AGL: variants seen among roughly 807,000 people sequenced by gnomAD.
AGL encodes the protein amylo-alpha-1,6-glucosidase and 4-alpha-glucanotransferase.
Under a neutral mutation model 199.3 loss-of-function variants are expected in AGL, and 128 were observed. The observed-to-expected ratio is 0.64, with a 90% confidence interval of 0.56 to 0.74. The LOEUF (loss-of-function observed/expected upper bound fraction) is 0.74. Ranked by LOEUF, AGL falls within the 30% of genes least tolerant of loss-of-function variation. AGL has a pLI of 0.00. For synonymous variants in AGL, 584 were observed against 594.7 expected (o/e 0.98, Z 0.26); for missense variants, 1,809 against 1,820.8 (o/e 0.99, Z 0.12).
intron 12 of AGL, among the ~76,000 whole-genome samples, chr1:99,879,087 C>T (rs598488): frequency 6.6e-6 from 1 of 151,962 alleles, no homozygotes; most frequent in Non-Finnish European, 1.5e-5. Flanking sequence ...ATAGATAGCA[C>T]CAGTGTTAAA....
rs1650116520 is a variant in AGL at position 99,862,335 on chromosome 1, G to A, written c.372G>A (p.Leu124=). 1 of 1,613,896 alleles carries A rather than the reference G, an allele frequency of 6.2e-7. No homozygotes were observed. The change falls in exon 4 of 34, where the codon TTG becomes TTA. Residue 124 remains leucine (L), a synonymous_variant. Coordinates refer to ENST00000361915, the MANE Select transcript of AGL (RefSeq NM_000642.3). The stretch of plus-strand genomic sequence containing the variant: ...GTGCTGATAATCATGTGCTACCCTT[G>A]GACTGTGTTACTCTTCAGACATTTT... ...RVGADNHVLP[L]DCVTLQTFLA... is the part of the protein sequence containing the mutation.
intron 27 of AGL, among the ~76,000 whole-genome samples, chr1:99,905,588 T>C (rs1257844498): frequency 6.6e-6 from 1 of 152,150 alleles, no homozygotes; most frequent in African/African-American, 2.4e-5. Context: ...TCTTTATTAT[T>C]TTTTAGAGAC....
rs1184815690 is a variant in AGL at position 99,876,546 on chromosome 1, C to A, written c.1372C>A (p.His458Asn). The A allele has an allele frequency of 1.6e-5, 26 of 1,613,822 alleles. No individual in the cohort carries two copies. Among genetic ancestry groups the A allele is most frequent in the Non-Finnish European group, 2.1e-5 (25 of 1,179,928 alleles). Residue 458 changes from histidine to asparagine, a missense_variant, in exon 11 of 34, where the codon CAC (histidine) becomes AAC (asparagine). His to Asn is a moderately conservative substitution (Grantham distance 68). Coordinates refer to ENST00000361915, the MANE Select transcript of AGL (RefSeq NM_000642.3). ...AAATAAAGCTTGTTTTCTGATGGCA[C>A]ACAATGGATGGGTAATGGGAGATGA... The part of the protein sequence containing the change: ...LPNKACFLMA[H>N]NGWVMGDDPL...
chr1:99,915,568 C>G, intron 31 of AGL, 82 bp downstream of exon 31: 2 of 863,474 alleles, frequency 2.3e-6, no homozygotes, highest in Non-Finnish European at 3.7e-6. Context: ...TTTTTTTTTG[C>G]CAGGGCAACA....
intron 7 of AGL, among the ~76,000 whole-genome samples, chr1:99,871,579 G>T (rs535007019): frequency 2.6e-5 from 4 of 152,244 alleles, no homozygotes; most frequent in Non-Finnish European, 5.9e-5. Context: ...TTCTCTTGCA[G>T]AAAACAGAAC....
chr1:99,888,009 AATCAG>A lies in AGL; in HGVS notation c.2717_2721del (p.Gln906ProfsTer5), dbSNP rs1553187957. 6.2e-7 allele frequency: 1 copy of A among 1,613,552 alleles called. No homozygotes were observed. The highest frequency in any genetic ancestry group is 2.2e-5 in the East Asian group (1 of 44,830). On this transcript the variant is annotated frameshift_variant, in exon 21 of 34. Transcript: ENST00000361915. LOFTEE classifies it high-confidence loss of function. ...CTCCAGATTAACTTTGGCTGAGCTA[AATCAG>A]ATCCTTTACCGATGTGAATCAGAAG...
chr1:99,849,481 G>A (rs1648738571), upstream of AGL, among the ~76,000 whole-genome samples: 1 of 152,074 alleles, frequency 6.6e-6, no homozygotes, highest in Non-Finnish European at 1.5e-5. Context: ...TAACATAAGT[G>A]CAGCTTAATC....
intron 25 of AGL, among the ~76,000 whole-genome samples, chr1:99,897,221 A>C (rs1031363550): frequency 1.3e-5 from 2 of 152,214 alleles, no homozygotes; most frequent in Non-Finnish European, 2.9e-5. Flanking sequence ...ACACATCAGT[A>C]GTGTCACCCT....
rs772111178 is a variant in AGL, at chr1:99,862,292, A to G, written c.329A>G (p.Asp110Gly). 2 of 1,613,890 alleles carry G rather than the reference A, an allele frequency of 1.2e-6. No individual in the cohort carries two copies. The highest frequency in any genetic ancestry group is 2.2e-5 in the South Asian group (2 of 91,056). The change falls in exon 4 of 34, where the codon GAC becomes GGC. Residue 110 changes from aspartate (D) to glycine (G), a missense_variant. Coordinates refer to ENST00000361915, the MANE Select transcript of AGL (RefSeq NM_000642.3). The stretch of plus-strand genomic sequence containing the variant: ...AGTGGTGGAGGTTACATAGTTGTGG[A>G]CCCCATTTTACGTGTTGGTGCTGAT... ...EKSGGGYIVV[D>G]PILRVGADNH... is the part of the protein sequence containing the mutation.
chr1:99,920,388 A>C (rs2100895931), intron 33 of AGL, among the ~76,000 whole-genome samples: 1 of 152,244 alleles, frequency 6.6e-6, no homozygotes, highest in East Asian at 1.9e-4. Flanking sequence ...GCATTATCTT[A>C]ACTAATTACA....
intron 2 of AGL, among the ~76,000 whole-genome samples, chr1:99,858,101 A>C (rs1232908509): frequency 6.6e-6 from 1 of 152,156 alleles, no homozygotes; most frequent in Non-Finnish European, 1.5e-5. Flanking sequence ...AAGCTAGGTT[A>C]AGTAGCTTTA....
rs779725117 is a variant in AGL at position 99,884,576 on chromosome 1, C to T, written c.2554C>T (p.Leu852Phe). The change falls in exon 20 of 34, where the codon CTT becomes TTT. Residue 852 changes from leucine (L) to phenylalanine (F), a missense_variant. Leu to Phe is a conservative substitution (Grantham distance 22, BLOSUM62 0). Coordinates refer to ENST00000361915, the MANE Select transcript of AGL (RefSeq NM_000642.3). ...PGSVIIFRVS[L>F]DPHAQVAVGI... ...TTTAATTAACATTTTCAGAGTTAGTCTTGATCCACATGCACAAGTCGCTGT... is the reference window on the plus strand; with the variant it reads ...TTTAATTAACATTTTCAGAGTTAGTTTTGATCCACATGCACAAGTCGCTGT... The T allele has an allele frequency of 6.2e-7, 1 of 1,613,876 alleles. No individual in the cohort carries two copies. Among genetic ancestry groups the T allele is most frequent in the Non-Finnish European group, 8.5e-7 (1 of 1,179,900 alleles).
intron 7 of AGL, 109 bp from the exon 8 acceptor site, chr1:99,874,578 T>C: frequency 2.8e-6 from 3 of 1,068,426 alleles, no homozygotes; most frequent in Non-Finnish European, 2.8e-6. Flanking sequence ...AAATAAATAT[T>C]TGTTTTATTT....
In AGL at chr1:99,864,562, A is replaced by G. The variant is rs2101094272; in HGVS notation, c.637A>G (p.Ile213Val). The G allele has an allele frequency of 6.2e-7, 1 of 1,613,822 alleles. No individual in the cohort carries two copies. The highest frequency in any genetic ancestry group is 2.2e-5 in the East Asian group (1 of 44,822). The part of the protein sequence containing the change: ...KLKKEWNVIC[I>V]TDVVYNHTAA... ...AAAAAAGGAATGGAATGTTATTTGT[A>G]TTACTGATGTTGTCTACAATCATAC... The change falls in exon 5 of 34, where the codon ATT (isoleucine) becomes GTT (valine). Residue 213 changes from isoleucine (I) to valine (V), a missense_variant. Coordinates refer to ENST00000361915, the MANE Select transcript of AGL (RefSeq NM_000642.3).
At chr1:99,870,981 G>T (rs939427148) in intron 7 of AGL, 112 bp downstream of exon 7, 1 of 712,188 alleles carries the variant, frequency 1.4e-6, no homozygotes, top group African/African-American at 1.8e-5. Context: ...TATTATATTT[G>T]TGTTATTGTT....
rs752519483 is a variant in AGL, at chr1:99,921,591, C to G, written c.4539C>G (p.Phe1513Leu). 1.9e-6 allele frequency: 3 copies of G among 1,613,140 alleles called. No homozygotes were observed. The highest frequency in any genetic ancestry group is 2.5e-6 in the Non-Finnish European group (3 of 1,179,456). Residue 1513 changes from phenylalanine (F) to leucine (L), a missense_variant, in exon 34 of 34, where the codon TTC becomes TTG. Coordinates refer to ENST00000361915, the MANE Select transcript of AGL (RefSeq NM_000642.3). Reference sequence around the variant, plus strand: ...ATGAGAATGCCCAGTACTGTCCTTTCAGCTGTGAAACACAAGCCTGGTCAA... The same window carrying G: ...ATGAGAATGCCCAGTACTGTCCTTTGAGCTGTGAAACACAAGCCTGGTCAA... ...LTNENAQYCP[F>L]SCETQAWSIA...
At chr1:99,912,315 A>C in intron 28 of AGL, 90 bp from the exon 29 acceptor site, 2 of 912,792 alleles carry the variant, frequency 2.2e-6, no homozygotes, top group Non-Finnish European at 3.5e-6. Flanking sequence ...AATATGTTAT[A>C]TGATTCATTA....
rs1486903759 is a variant in AGL, at chr1:99,876,533, T to C, written c.1359T>C (p.Cys453=). ...TGATTCATCTGCCAAATAAAGCTTG[T>C]TTTCTGATGGCACACAATGGATGGG... ...ESMIHLPNKA[C]FLMAHNGWVM... Residue 453 remains cysteine, a synonymous_variant, in exon 11 of 34, where the codon TGT becomes TGC. Coordinates refer to ENST00000361915, the MANE Select transcript of AGL (RefSeq NM_000642.3). 6.2e-6 allele frequency: 10 copies of C among 1,614,004 alleles called. No individual in the cohort carries two copies. The highest frequency in any genetic ancestry group is 3.3e-4 in the Middle Eastern group (2 of 6,060).
intron 5 of AGL, among the ~76,000 whole-genome samples, chr1:99,868,900 T>C (rs1335157195): frequency 1.3e-5 from 2 of 151,362 alleles, no homozygotes; most frequent in African/African-American, 4.8e-5. Context: ...TCTCAGTTCA[T>C]TGCAACCTCC....
Sources: gnomAD v4.1 joint callset for allele counts (sites outside exome capture counted in the v4.1 genomes callset) on GRCh38, gnomAD v4.1.1 for gene constraint, MANE v1.5 for transcripts, NCBI Gene and HGNC (gene_info 2026-07-23, HGNC 2026-07-21) for gene names.